NPR3: variants seen among roughly 807,000 people sequenced by gnomAD.
NPR3 encodes atrial natriuretic peptide receptor 3.
A neutral mutation model predicts 54.5 loss-of-function variants in NPR3; 34 were observed. That is an observed-to-expected ratio of 0.62 (90% CI 0.47 to 0.83). NPR3 has a LOEUF of 0.83. NPR3 is among the 40% of genes least tolerant of loss of function. The pLI is 0.00. For synonymous variants in NPR3, 289 were observed against 297.1 expected, an observed-to-expected ratio of 0.97 and a Z score of 0.28; for missense variants, 674 against 720.8, an observed-to-expected ratio of 0.94 and a Z score of 0.74.
chr5:32,785,645 G>T (rs542714224), intron 7 of NPR3, among the ~76,000 whole-genome samples: 8 of 152,184 alleles, frequency 5.3e-5, no homozygotes, highest in Non-Finnish European at 7.3e-5. Flanking sequence ...TCTGTGCTCA[G>T]TATCTGGAGA....
At chr5:32,721,107 C>A (rs1013621265) in intron 1 of NPR3, among the ~76,000 whole-genome samples, 1 of 152,182 alleles carries the variant, frequency 6.6e-6, no homozygotes. Context: ...TAGGATCATG[C>A]ACTCTGACTA....
intron 1 of NPR3, among the ~76,000 whole-genome samples, chr5:32,723,372 G>C (rs11739036): frequency 2.0e-5 from 3 of 151,952 alleles, no homozygotes; most frequent in African/African-American, 7.3e-5. Context: ...AGAGGCTCTC[G>C]AGTTGTGTGA....
At chr5:32,710,738 G>C, upstream of NPR3, 2 of 1,547,502 alleles carry the variant, frequency 1.3e-6, no homozygotes, top group Non-Finnish European at 1.7e-6. Flanking sequence ...TCAGGTGCTC[G>C]CCCCGCGTCG....
At chr5:32,710,467 C>T, upstream of NPR3, 1 of 485,752 alleles carries the variant, frequency 2.1e-6, no homozygotes, top group Non-Finnish European at 3.3e-6. Context: ...ACCATTCCCT[C>T]GCCTTTGGGA....
chr5:32,784,915 C>T (rs369175821), intron 7 of NPR3, 32 bp downstream of exon 7: 1 of 1,438,890 alleles, frequency 6.9e-7, no homozygotes, highest in South Asian at 1.1e-5. Flanking sequence ...ACAATTCACT[C>T]TCTTCTGCTG....
rs1742725015 is a variant in NPR3, at chr5:32,788,043, G to C, written c.*1698G>C. On this transcript the variant is annotated 3_prime_UTR_variant, in exon 8 of 8. Coordinates refer to ENST00000265074, the MANE Select transcript of NPR3 (RefSeq NM_001204375.2). ...TAAGCGCAAGCTGCCTGTCCCAGAT[G>C]CTGGCCCATGTGTGAGTGCTTCCCT... is the stretch of plus-strand genomic sequence containing the variant. 6.6e-6 allele frequency: 1 copy of C among 152,234 alleles called. No homozygotes were observed. Among genetic ancestry groups the C allele is most frequent in the African/African-American group, 2.4e-5 (1 of 41,456 alleles). 9.4% of individuals were successfully genotyped at this position (152,234 alleles called of 1,614,324 possible). A position where few individuals can be genotyped will look rare whatever the true frequency, so the allele number is the denominator to read the frequency against.
At chr5:32,703,038 A>G (rs1737871843) in intron 1 of NPR3, among the ~76,000 whole-genome samples, 2 of 152,194 alleles carry the variant, frequency 1.3e-5, no homozygotes, top group African/African-American at 4.8e-5. Context: ...TTTCAGCCAC[A>G]TGACAAATTC....
At position 32,786,595 on chromosome 5, in the gene NPR3, T is replaced by C; in HGVS notation, c.*250T>C. On this transcript the variant is annotated 3_prime_UTR_variant, in exon 8 of 8. Coordinates refer to ENST00000265074, the MANE Select transcript of NPR3 (RefSeq NM_001204375.2). ...CACTCTGTTAAATGTTCATACTGTT[T>C]CAAGCCCATATGATTAGATTTATGT... 1 of 446,310 alleles carries C rather than the reference T, an allele frequency of 2.2e-6. No homozygotes were observed. The highest frequency in any genetic ancestry group is 3.9e-6 in the Non-Finnish European group (1 of 257,528). 27.6% of individuals were successfully genotyped at this position (446,310 alleles called of 1,614,324 possible). A position where few individuals can be genotyped will look rare whatever the true frequency, so the allele number is the denominator to read the frequency against.
At position 32,748,956 on chromosome 5, in the gene NPR3, A is replaced by G. The variant is rs371123096; in HGVS notation, c.1059+9926A>G. Among the ~76,000 whole-genome samples the G allele has an allele frequency of 2.0e-4, 30 of 151,940 alleles. No individual in the cohort carries two copies. In the East Asian group the frequency reaches 4.1e-3, roughly 21 times the overall value. Reference sequence around the variant, plus strand: ...AGAAATTGACTCAACTTTACCTTCCAGCCTATTTATTGAATTTTTAATTTT... The same window carrying G: ...AGAAATTGACTCAACTTTACCTTCCGGCCTATTTATTGAATTTTTAATTTT... On this transcript the variant is annotated intron_variant, in intron 3 of 7. Coordinates refer to ENST00000265074, the MANE Select transcript of NPR3 (RefSeq NM_001204375.2).
intron 5 of NPR3, 78 bp from the exon 6 acceptor site, chr5:32,782,815 G>A: frequency 7.3e-7 from 1 of 1,375,700 alleles, no homozygotes; most frequent in Non-Finnish European, 9.9e-7. Context: ...ACATTTTGGG[G>A]AATAGCTGTG....
At position 32,789,715 on chromosome 5, in the gene NPR3, G is replaced by GGT. The variant is rs754119630; in HGVS notation, c.*3381_*3382dup. On this transcript the variant is annotated 3_prime_UTR_variant, in exon 8 of 8. Coordinates refer to ENST00000265074, the MANE Select transcript of NPR3 (RefSeq NM_001204375.2). ...TTCCTTTTAGTTATGGCTGATTTTG[G>GGT]GTGTGTGTGTGTAAGACATGCAGTC... 33 of 532,732 alleles carry GGT rather than the reference G, an allele frequency of 6.2e-5. No homozygotes were observed. Among genetic ancestry groups the GGT allele is most frequent in the Non-Finnish European group, 1.0e-4 (26 of 259,310 alleles). The allele number at this position is 532,732 out of a possible 1,614,324, so 33.0% of individuals were successfully genotyped here.
Position 32,758,544 on chromosome 5 carries a change from A to C in NPR3, c.1060-16164A>C, listed in dbSNP as rs192714308. Among the ~76,000 whole-genome samples, 12 of 151,816 alleles carry C rather than the reference A, an allele frequency of 7.9e-5. No individual in the cohort carries two copies. In the East Asian group the frequency reaches 2.3e-3, roughly 29 times the overall value. On this transcript the variant is annotated intron_variant, in intron 3 of 7. Coordinates refer to ENST00000265074, the MANE Select transcript of NPR3 (RefSeq NM_001204375.2). ...GTCTATCAATTTTGTTGATCTTGTC[A>C]AAAAACTAGCTCCTGGATGCATTGA... is the stretch of plus-strand genomic sequence containing the variant.
chr5:32,750,553 T>A (rs961948503), intron 3 of NPR3, among the ~76,000 whole-genome samples: 3 of 152,216 alleles, frequency 2.0e-5, no homozygotes, highest in Admixed American at 2.0e-4. Context: ...TGTGTTTATA[T>A]GGCTGTGATT....
At chr5:32,741,139 C>T in intron 3 of NPR3, among the ~76,000 whole-genome samples, 1 of 151,958 alleles carries the variant, frequency 6.6e-6, no homozygotes, top group East Asian at 1.9e-4. Flanking sequence ...AGTATCCCAG[C>T]CAGGAGTGGT....
rs777397862 is a variant in NPR3, at chr5:32,711,847, C to CCGGTGG, written c.80_85dup (p.Gly27_Gly28dup). The CCGGTGG allele has an allele frequency of 4.8e-6, 7 of 1,462,416 alleles. No homozygotes were observed. The highest frequency in any genetic ancestry group is 5.1e-5 in the East Asian group (2 of 39,452). 90.6% of individuals were successfully genotyped at this position (1,462,416 alleles called of 1,614,324 possible). ...GGCTGGGCGTTGCTGGCCGGCGGCA[C>CCGGTGG]CGGTGGCGGTGGCGTTGGCGGCGGC... On this transcript the variant is annotated inframe_insertion, in exon 1 of 8. Coordinates refer to ENST00000265074, the MANE Select transcript of NPR3 (RefSeq NM_001204375.2).
chr5:32,690,878 C>T (rs920954262), intron 1 of NPR3, among the ~76,000 whole-genome samples: 3 of 152,178 alleles, frequency 2.0e-5, no homozygotes, highest in Non-Finnish European at 2.9e-5. Context: ...TTGGAGAAGC[C>T]GCATGGATGA....
At chr5:32,710,660 G>C (rs748404756), upstream of NPR3, 3 of 1,507,914 alleles carry the variant, frequency 2.0e-6, no homozygotes, top group South Asian at 3.9e-5. Context: ...CACCAGGTCC[G>C]CGATGGAGCC....
intron 3 of NPR3, among the ~76,000 whole-genome samples, chr5:32,769,127 C>T (rs1364622274): frequency 6.6e-6 from 1 of 152,218 alleles, no homozygotes; most frequent in Non-Finnish European, 1.5e-5. Context: ...AGACCTCCCT[C>T]TGTTTGGTGC....
At chr5:32,785,876 C>T (rs758357192) in intron 7 of NPR3, among the ~76,000 whole-genome samples, 51 of 152,210 alleles carry the variant, frequency 3.4e-4, no homozygotes, top group Non-Finnish European at 6.6e-4. Context: ...TTTGTGGGAA[C>T]AATTGTATTC....
Sources: gnomAD v4.1 joint callset for allele counts (sites outside exome capture counted in the v4.1 genomes callset) on GRCh38, gnomAD v4.1.1 for gene constraint, MANE v1.5 for transcripts, NCBI Gene and HGNC (gene_info 2026-07-23, HGNC 2026-07-21) for gene names.